The following ZNF567 variants were observed in gnomAD, a reference collection of about 807,000 sequenced individuals.
ZNF567 encodes the protein zinc finger protein 567.
A neutral mutation model predicts 53.9 loss-of-function variants in ZNF567; 36 were observed. The ratio of observed to expected loss-of-function variants is 0.67; its 90% CI spans 0.51 to 0.88. ZNF567 has a LOEUF of 0.88. Among genes scored for constraint, ZNF567 ranks in the 40% least tolerant of loss-of-function variants. ZNF567 has a pLI of 0.00. For missense variants in ZNF567, 619 were observed against 764.7 expected (o/e 0.81, Z 2.25); for synonymous variants, 224 against 260.4 (o/e 0.86, Z 1.35).
intron 3 of ZNF567, among the ~76,000 whole-genome samples, chr19:36,702,566 C>A (rs1180988212): frequency 3.3e-5 from 5 of 152,112 alleles, no homozygotes; most frequent in Non-Finnish European, 5.9e-5. Flanking sequence ...GTACACCAAT[C>A]AGACGTAGAT....
At chr19:36,718,198 G>A (rs2040148579) in intron 5 of ZNF567, among the ~76,000 whole-genome samples, 1 of 152,110 alleles carries the variant, frequency 6.6e-6, no homozygotes, top group South Asian at 2.1e-4. Context: ...AGGGATGTGT[G>A]TATAAAAGTA....
intron 5 of ZNF567, among the ~76,000 whole-genome samples, chr19:36,717,983 T>C (rs1297979219): frequency 1.3e-5 from 2 of 152,240 alleles, no homozygotes; most frequent in African/African-American, 4.8e-5. Flanking sequence ...AGCAATTGAA[T>C]ATATTCTGAT....
chr19:36,723,191 G>A (rs766299493), downstream of ZNF567: 2 of 702,820 alleles, frequency 2.8e-6, no homozygotes, highest in Non-Finnish European at 5.2e-6. Context: ...TTTTCTAGGT[G>A]GAGAGGATGG....
intron 3 of ZNF567, among the ~76,000 whole-genome samples, chr19:36,703,320 T>C (rs1270602510): frequency 6.6e-6 from 1 of 151,582 alleles, no homozygotes; most frequent in Non-Finnish European, 1.5e-5. Context: ...CCGTGTGAGG[T>C]GTCAGTCTGC....
At chr19:36,708,517 T>C (rs551431919) in intron 3 of ZNF567, among the ~76,000 whole-genome samples, 1 of 152,298 alleles carries the variant, frequency 6.6e-6, no homozygotes, top group East Asian at 1.9e-4. Context: ...GGGTTCACTA[T>C]TGATATTGAT....
At position 36,720,676 on chromosome 19, in the gene ZNF567, G is replaced by A. The variant is rs1181847720; in HGVS notation, c.*8G>A. The A allele has an allele frequency of 2.0e-6, 3 of 1,506,632 alleles. No individual in the cohort carries two copies. Among genetic ancestry groups the A allele is most frequent in the South Asian group, 1.4e-5 (1 of 69,884 alleles). The allele number at this position is 1,506,632 out of a possible 1,614,324, so 93.3% of individuals were successfully genotyped here. A position where few individuals can be genotyped will look rare whatever the true frequency, so the allele number is the denominator to read the frequency against. On this transcript the variant is annotated 3_prime_UTR_variant, in exon 6 of 6. Coordinates refer to ENST00000682579, the MANE Select transcript of ZNF567 (RefSeq NM_001322917.1). The stretch of plus-strand genomic sequence containing the variant: ...AACATTGAAATGCAATAAATGATGT[G>A]GTTTCTTATATGAATTCTTTACAAG...
chr19:36,666,989 C>T, the ZNF567 span: 1 of 152,350 alleles, frequency 6.6e-6, no homozygotes, highest in Non-Finnish European at 1.5e-5. Context: ...TTTTCGGATT[C>T]TGGACTTCGG....
chr19:36,698,866 T>A lies in ZNF567; in HGVS notation c.9+3990T>A, dbSNP rs566759398. 3.7e-3 allele frequency among the ~76,000 whole-genome samples: 563 copies of A among 152,322 alleles called. 3 individuals are homozygous for A. The highest frequency in any genetic ancestry group is 6.2e-3 in the Non-Finnish European group (420 of 68,026). On this transcript the variant is annotated intron_variant, in intron 3 of 5. Transcript: ENST00000682579. ...GTTGCGAAAATTTTCTCCCATTTTGTAGGTTGCCTGTTCTCTCTGATGGTA... is the reference window on the plus strand; with the variant it reads ...GTTGCGAAAATTTTCTCCCATTTTGAAGGTTGCCTGTTCTCTCTGATGGTA...
At chr19:36,698,432 A>G (rs1365038285) in intron 3 of ZNF567, among the ~76,000 whole-genome samples, 6 of 151,816 alleles carry the variant, frequency 4.0e-5, no homozygotes, top group Non-Finnish European at 7.4e-5. Context: ...TCCTTTGGGT[A>G]TATACCCAGT....
chr19:36,694,911 C>CTT (rs36094586), intron 3 of ZNF567, 35 bp downstream of exon 3: 1,899 of 1,363,916 alleles, frequency 1.4e-3, no homozygotes, highest in East Asian at 3.9e-3. Flanking sequence ...TTCTGAAAGT[C>CTT]TTTTTTTTTT....
downstream of ZNF567, among the ~76,000 whole-genome samples, chr19:36,722,536 G>A (rs1022951369): frequency 7.9e-5 from 12 of 151,844 alleles, no homozygotes; most frequent in African/African-American, 2.2e-4. Context: ...TCCTGACCTC[G>A]TGATCCATCC....
rs747566390 is a variant in ZNF567, at chr19:36,720,406, A to G, written c.1682A>G (p.Tyr561Cys). Reference protein sequence around the residue: ...HQKIHTGQKSYECPQCGKAFS... With the variant: ...HQKIHTGQKSCECPQCGKAFS... ...AAAATACATACCGGCCAGAAATCCT[A>G]TGAATGTCCTCAGTGTGGGAAAGCC... is the stretch of plus-strand genomic sequence containing the variant. Residue 561 changes from tyrosine to cysteine, a missense_variant, in exon 6 of 6, where the codon TAT becomes TGT. Physicochemically the swap from Tyr to Cys is radical, Grantham distance 194. Transcript: ENST00000682579. 6.2e-7 allele frequency: 1 copy of G among 1,614,184 alleles called. No individual in the cohort carries two copies. The highest frequency in any genetic ancestry group is 2.2e-5 in the East Asian group (1 of 44,880).
upstream of ZNF567, among the ~76,000 whole-genome samples, chr19:36,683,057 T>G (rs1173246243): frequency 1.3e-5 from 2 of 152,146 alleles, no homozygotes; most frequent in African/African-American, 4.8e-5. Context: ...GGTCTTTCCC[T>G]CGATTTTAAG....
chr19:36,712,665 C>A, intron 4 of ZNF567, 116 bp from the exon 5 acceptor site: 1 of 1,373,796 alleles, frequency 7.3e-7, no homozygotes, highest in Non-Finnish European at 1.0e-6. Context: ...GTGCAAGGTG[C>A]TACCTATATT....
At chr19:36,679,968 G>T in the ZNF567 span, among the ~76,000 whole-genome samples, 1 of 152,158 alleles carries the variant, frequency 6.6e-6, no homozygotes, top group Non-Finnish European at 1.5e-5. Context: ...ATAGCTAAAA[G>T]ATAGGATTTT....
upstream of ZNF567, among the ~76,000 whole-genome samples, chr19:36,684,478 G>A (rs1704699290): frequency 6.6e-5 from 10 of 152,106 alleles, no homozygotes; most frequent in Admixed American, 6.6e-4. Flanking sequence ...TGGCTGAAGA[G>A]ACCCAAACTT....
rs773148930 is a variant in ZNF567 at position 36,712,214 on chromosome 19, T to C, written c.10-172T>C. The C allele has an allele frequency of 1.3e-5, 7 of 545,340 alleles. No individual in the cohort carries two copies. The Admixed American group carries it at 1.9e-4, about 15-fold the overall frequency. 33.8% of individuals were successfully genotyped at this position (545,340 alleles called of 1,614,324 possible). A position where few individuals can be genotyped will look rare whatever the true frequency, so the allele number is the denominator to read the frequency against. ...GGCGCACACCACTATGCCCAGCTAA[T>C]TTTTTGTATTTTTAGTAGACATGGG... On this transcript the variant is annotated intron_variant, in intron 3 of 5. Coordinates refer to ENST00000682579, the MANE Select transcript of ZNF567 (RefSeq NM_001322917.1).
the ZNF567 span, among the ~76,000 whole-genome samples, chr19:36,670,353 C>G: frequency 2.6e-5 from 4 of 151,948 alleles, no homozygotes; most frequent in Admixed American, 2.6e-4. Flanking sequence ...CAGGTGGAAG[C>G]GACTAAAACT....
At chr19:36,672,220 A>G in the ZNF567 span, among the ~76,000 whole-genome samples, 1 of 152,216 alleles carries the variant, frequency 6.6e-6, no homozygotes, top group African/African-American at 2.4e-5. Context: ...AAATAGCCAG[A>G]TGTGACATTA....
Sources: allele counts gnomAD v4.1 joint callset (sites outside exome capture counted in the v4.1 genomes callset), GRCh38; gene constraint gnomAD v4.1.1; transcripts MANE v1.5; gene names NCBI Gene and HGNC (gene_info 2026-07-23, HGNC 2026-07-21).